The following CFAP57 variants were observed in gnomAD, a reference collection of about 807,000 sequenced individuals.
The protein encoded by CFAP57 is cilia and flagella associated protein 57, also known as cilia- and flagella-associated protein 57.
CFAP57 carries 116 observed loss-of-function variants against 146.8 expected under a neutral mutation model. That is an observed-to-expected ratio of 0.79 (90% confidence interval 0.68 to 0.92). The LOEUF (loss-of-function observed/expected upper bound fraction) is 0.92, where lower values mean the gene tolerates loss of function less well. CFAP57 is among the 40% of genes least tolerant of loss of function. The pLI is 0.00. For missense variants in CFAP57, 1,377 were observed against 1,527.2 expected, an observed-to-expected ratio of 0.90 and a Z score of 1.64; for synonymous variants, 518 against 552.8, an observed-to-expected ratio of 0.94 and a Z score of 0.88.
rs575702241 is a variant in CFAP57 at position 43,198,493 on chromosome 1, A to G, written c.1275A>G (p.Leu425=). 3 of 1,614,094 alleles carry G rather than the reference A, an allele frequency of 1.9e-6. No individual in the cohort carries two copies. In the South Asian group the frequency reaches 3.3e-5, roughly 18 times the overall value. Reference sequence around the variant, plus strand: ...ATCTTTTTCACAGCACCCTGGAACTATTTAAGGAATACCAAGAAGAGGCAT... The same window carrying G: ...ATCTTTTTCACAGCACCCTGGAACTGTTTAAGGAATACCAAGAAGAGGCAT... The part of the protein sequence containing the change: ...LWNYETNTLE[L]FKEYQEEAYS... Residue 425 remains leucine (L), a synonymous_variant, in exon 8 of 23, where the codon CTA becomes CTG. Transcript: ENST00000372492.
chr1:43,183,881 A>T lies in CFAP57; in HGVS notation c.761+4A>T, dbSNP rs778817813. On this transcript the variant is annotated splice_donor_region_variant and intron_variant, in intron 4 of 22. Transcript: ENST00000372492. ...ATGTCATTCAGGAATCAGAGAGGTAATGGTGCTTCCTGGGCTGGTGCTCCC... is the reference window on the plus strand; with the variant it reads ...ATGTCATTCAGGAATCAGAGAGGTATTGGTGCTTCCTGGGCTGGTGCTCCC... 1 of 1,613,604 alleles carries T rather than the reference A, an allele frequency of 6.2e-7. No homozygotes were observed. Among genetic ancestry groups the T allele is most frequent in the Non-Finnish European group, 8.5e-7 (1 of 1,180,022 alleles).
rs578162632 is a variant in CFAP57 at position 43,186,287 on chromosome 1, G to C, written c.970-420G>C. The stretch of plus-strand genomic sequence containing the variant: ...GATCCCAGGAAGCAGCCTGGTCTGG[G>C]AGTCTGTAAGCTAAAGTTATCCAAG... On this transcript the variant is annotated intron_variant, in intron 5 of 22. Transcript: ENST00000372492. Among the ~76,000 whole-genome samples the C allele has an allele frequency of 5.3e-5, 8 of 152,174 alleles. No homozygotes were observed. In the South Asian group the frequency reaches 1.7e-3, roughly 32 times the overall value.
intron 11 of CFAP57, chr1:43,210,930 C>A (rs1644577968): frequency 1.1e-5 from 1 of 94,510 alleles, no homozygotes; most frequent in South Asian, 3.9e-4. Flanking sequence ...AAAAGTTATT[C>A]ATAGTGCAAA....
At chr1:43,229,055 G>A (rs1483588926) in intron 18 of CFAP57, among the ~76,000 whole-genome samples, 1 of 148,298 alleles carries the variant, frequency 6.7e-6, no homozygotes, top group Non-Finnish European at 1.5e-5. Flanking sequence ...GGAATTTGGG[G>A]TGGAGGGCAC....
intron 22 of CFAP57, among the ~76,000 whole-genome samples, chr1:43,244,110 G>A (rs569145910): frequency 5.1e-4 from 77 of 152,260 alleles, no homozygotes; most frequent in African/African-American, 1.7e-3. Context: ...TACATATGCC[G>A]CTTTCAGGCC....
chr1:43,242,316 C>T lies in CFAP57; in HGVS notation c.3406-911C>T, dbSNP rs147651748. ...ACCATGTTAAACTGTACCCACACCC[C>T]GCACTAAACTGTAAACTCCTCAAGA... is the stretch of plus-strand genomic sequence containing the variant. On this transcript the variant is annotated intron_variant, in intron 21 of 22. Coordinates refer to ENST00000372492, the MANE Select transcript of CFAP57 (RefSeq NM_001378189.1). Among the ~76,000 whole-genome samples, 407 of 152,292 alleles carry T rather than the reference C, an allele frequency of 2.7e-3. 2 individuals are homozygous for T. The highest frequency in any genetic ancestry group is 0.014 in the South Asian group (69 of 4,826).
chr1:43,234,333 G>A lies in CFAP57; in HGVS notation c.3181G>A (p.Val1061Ile), dbSNP rs756374612. Residue 1061 changes from valine to isoleucine, a missense_variant, in exon 20 of 23, where the codon GTA becomes ATA. Coordinates refer to ENST00000372492, the MANE Select transcript of CFAP57 (RefSeq NM_001378189.1). Reference sequence around the variant, plus strand: ...GTTTAAAACAGACCTCCACAACTGCGTAGCCTATATTCAGGAACCGCGGCT... The same window carrying A: ...GTTTAAAACAGACCTCCACAACTGCATAGCCTATATTCAGGAACCGCGGCT... Reference protein sequence around the residue: ...KRFKTDLHNCVAYIQEPRLLK... With the variant: ...KRFKTDLHNCIAYIQEPRLLK... The A allele has an allele frequency of 1.9e-5, 29 of 1,550,352 alleles. No individual in the cohort carries two copies. Among genetic ancestry groups the A allele is most frequent in the South Asian group, 3.6e-5 (3 of 84,052 alleles).
Position 43,177,013 on chromosome 1 carries a change from G to A in CFAP57, c.157+4103G>A, listed in dbSNP as rs530803160. Reference sequence around the variant, plus strand: ...AAGAGGGGAGGCAAAGAAAGAATGGGGAGCAACACCACAGAGGGGCTTGCA... The same window carrying A: ...AAGAGGGGAGGCAAAGAAAGAATGGAGAGCAACACCACAGAGGGGCTTGCA... On this transcript the variant is annotated intron_variant, in intron 2 of 22. Coordinates refer to ENST00000372492, the MANE Select transcript of CFAP57 (RefSeq NM_001378189.1). 9.6e-4 allele frequency: 374 copies of A among 390,834 alleles called. 10 individuals are homozygous for A. Among genetic ancestry groups the A allele is most frequent in the South Asian group, 6.8e-3 (367 of 53,696 alleles). 24.2% of individuals were successfully genotyped at this position (390,834 alleles called of 1,614,324 possible).
chr1:43,175,588 G>A (rs1645140418), intron 2 of CFAP57, among the ~76,000 whole-genome samples: 1 of 151,862 alleles, frequency 6.6e-6, no homozygotes, highest in South Asian at 2.1e-4. Flanking sequence ...ATAGCTCACA[G>A]CAGTCTCAAA....
In CFAP57 at chr1:43,238,820, T is replaced by C. The variant is rs1308290325; in HGVS notation, c.3405+4182T>C. ...GTAGTCACGGAGGAGCAGGGCTCTCTGGATGGAGGCACGACAGGGTTCAGA... is the reference window on the plus strand; with the variant it reads ...GTAGTCACGGAGGAGCAGGGCTCTCCGGATGGAGGCACGACAGGGTTCAGA... On this transcript the variant is annotated intron_variant, in intron 21 of 22. Transcript: ENST00000372492. This position sits in a 1 kb window ranked among gnomAD's most constrained non-coding sequence, Gnocchi z 4.3. Among the ~76,000 whole-genome samples the C allele has an allele frequency of 1.3e-5, 2 of 152,056 alleles. No homozygotes were observed. Among genetic ancestry groups the C allele is most frequent in the African/African-American group, 2.4e-5 (1 of 41,404 alleles).
chr1:43,207,009 T>TA, intron 10 of CFAP57, 77 bp downstream of exon 10: 1 of 1,481,756 alleles, frequency 6.7e-7, no homozygotes, highest in Non-Finnish European at 9.4e-7. Flanking sequence ...CAGCACAAAG[T>TA]ATGCACGGAA....
At chr1:43,225,551 A>G (rs974835899) in intron 17 of CFAP57, among the ~76,000 whole-genome samples, 1 of 152,132 alleles carries the variant, frequency 6.6e-6, no homozygotes, top group Non-Finnish European at 1.5e-5. Flanking sequence ...TTCCCCCAAC[A>G]TGAAGACCCT....
At chr1:43,208,943 A>G (rs1178411348) in intron 10 of CFAP57, among the ~76,000 whole-genome samples, 1 of 152,202 alleles carries the variant, frequency 6.6e-6, no homozygotes, top group Non-Finnish European at 1.5e-5. Flanking sequence ...CCAAGGTCCA[A>G]AAACAGGTGA....
rs1477944593 is a variant in CFAP57, at chr1:43,252,149, G to C, written c.3539-1828G>C. On this transcript the variant is annotated intron_variant, in intron 22 of 22. Transcript: ENST00000372492. Reference sequence around the variant, plus strand: ...CTCCCCTTATGCATATGGGAAAACTGACAAGGATATCTGTTTTAAAAACAA... The same window carrying C: ...CTCCCCTTATGCATATGGGAAAACTCACAAGGATATCTGTTTTAAAAACAA... Among the ~76,000 whole-genome samples the C allele has an allele frequency of 2.0e-5, 3 of 152,140 alleles. No individual in the cohort carries two copies. In the East Asian group the frequency reaches 5.8e-4, roughly 29 times the overall value.
intron 8 of CFAP57, 90 bp downstream of exon 8, chr1:43,198,736 A>G: frequency 7.0e-7 from 1 of 1,421,482 alleles, no homozygotes; most frequent in Non-Finnish European, 9.8e-7. Flanking sequence ...GGGAGGTGGG[A>G]CCAAAATCTG....
chr1:43,221,245 C>G, intron 13 of CFAP57, 127 bp from the exon 14 acceptor site: 1 of 585,798 alleles, frequency 1.7e-6, no homozygotes, highest in Non-Finnish European at 3.0e-6. Context: ...TAGAACAGTG[C>G]TTGGTGCAAA....
At chr1:43,209,014 C>T (rs1424465668) in intron 10 of CFAP57, among the ~76,000 whole-genome samples, 2 of 152,110 alleles carry the variant, frequency 1.3e-5, no homozygotes, top group African/African-American at 2.4e-5. Context: ...AGCTTTTATA[C>T]AGTATTCTTA....
chr1:43,216,666 C>T (rs144022629), intron 12 of CFAP57, among the ~76,000 whole-genome samples: 9 of 152,306 alleles, frequency 5.9e-5, no homozygotes, highest in Non-Finnish European at 7.3e-5. Context: ...TGTGACCACA[C>T]TCTGTTCCCT....
intron 22 of CFAP57, among the ~76,000 whole-genome samples, chr1:43,248,660 A>G (rs1285738766): frequency 6.6e-6 from 1 of 152,080 alleles, no homozygotes; most frequent in East Asian, 1.9e-4. Context: ...TTAACTTTTA[A>G]TAACTTCTAA....
Sources: gnomAD v4.1 joint callset for allele counts (sites outside exome capture counted in the v4.1 genomes callset) on GRCh38, gnomAD v4.1.1 for gene constraint, Gnocchi (gnomAD v3.1) non-coding constraint, MANE v1.5 for transcripts, NCBI Gene and HGNC (gene_info 2026-07-23, HGNC 2026-07-21) for gene names.